The following SLX9 variants were observed in gnomAD, a reference collection of about 807,000 sequenced individuals.
SLX9 encodes the protein ribosome biogenesis protein SLX9 homolog.
SLX9 carries 19 observed loss-of-function variants against 20.8 expected under a neutral mutation model. The observed-to-expected ratio is 0.91, with a 90% confidence interval of 0.64 to 1.34. SLX9 has a LOEUF of 1.34. Among genes scored for constraint, SLX9 ranks in the 40% most tolerant of loss-of-function variants. SLX9 has a pLI of 0.00. For synonymous variants in SLX9, 113 were observed against 137.1 expected (o/e 0.82, Z 1.23); for missense variants, 299 against 322.2 (o/e 0.93, Z 0.55).
chr21:44,969,456 G>A (rs1362774430), intron 4 of SLX9, among the ~76,000 whole-genome samples: 1 of 152,218 alleles, frequency 6.6e-6, no homozygotes, highest in African/African-American at 2.4e-5. Flanking sequence ...GCCTCCCTGC[G>A]GGGCTCTGGG....
intron 1 of SLX9, among the ~76,000 whole-genome samples, chr21:44,940,554 C>G (rs914591718): frequency 6.6e-6 from 1 of 152,204 alleles, no homozygotes; most frequent in African/African-American, 2.4e-5. Flanking sequence ...AGAGAGACCC[C>G]GTTCCCTTTA....
chr21:44,969,718 G>A (rs983921803), intron 4 of SLX9, among the ~76,000 whole-genome samples: 3 of 152,302 alleles, frequency 2.0e-5, no homozygotes, highest in Non-Finnish European at 4.4e-5. Context: ...GAAGGAACCA[G>A]TATCAACAGA....
At chr21:44,955,153 T>C (rs1399927266) in intron 2 of SLX9, among the ~76,000 whole-genome samples, 2 of 151,404 alleles carry the variant, frequency 1.3e-5, no homozygotes, top group Admixed American at 6.6e-5. Context: ...AAGGCAGAGA[T>C]TGCAAGATCG....
At chr21:44,976,528 C>T (rs1175180495) in intron 5 of SLX9, 152 bp from the exon 6 acceptor site, 35 of 1,239,604 alleles carry the variant, frequency 2.8e-5, no homozygotes, top group Non-Finnish European at 3.6e-5. Context: ...CAGCCTCTCC[C>T]CTCCTGCCGG....
At chr21:44,959,924 C>A (rs1219882509) in intron 2 of SLX9, among the ~76,000 whole-genome samples, 176 bp from the exon 3 acceptor site, 3 of 152,202 alleles carry the variant, frequency 2.0e-5, no homozygotes, top group Admixed American at 2.0e-4. Flanking sequence ...CGGGCCGAGG[C>A]ATGCTGCAGG....
chr21:44,951,375 C>G, intron 2 of SLX9, among the ~76,000 whole-genome samples: 1 of 152,090 alleles, frequency 6.6e-6, no homozygotes, highest in Non-Finnish European at 1.5e-5. Context: ...TGGGAGGAAG[C>G]AGGGGGACAG....
At chr21:44,950,004 C>T (rs745725848) in intron 2 of SLX9, among the ~76,000 whole-genome samples, 23 of 152,310 alleles carry the variant, frequency 1.5e-4, no homozygotes, top group Non-Finnish European at 2.5e-4. Flanking sequence ...GATAGAGACG[C>T]AGGCTCTCCC....
rs181323233 is a variant in SLX9, at chr21:44,942,776, C to T, written c.130-908C>T. On this transcript the variant is annotated intron_variant, in intron 1 of 5. Coordinates refer to ENST00000291634, the MANE Select transcript of SLX9 (RefSeq NM_058190.4). The stretch of plus-strand genomic sequence containing the variant: ...GAGGTGGTTGTGGAAAACTAAACCA[C>T]ATGGGGAGGCTGCAGGAGGGGAGGG... 2.8e-3 allele frequency among the ~76,000 whole-genome samples: 421 copies of T among 152,112 alleles called. 4 individuals are homozygous for T. The highest frequency in any genetic ancestry group is 9.7e-3 in the African/African-American group (404 of 41,488).
intron 2 of SLX9, among the ~76,000 whole-genome samples, chr21:44,955,070 G>C (rs2146637561): frequency 6.6e-6 from 1 of 152,196 alleles, no homozygotes; most frequent in Non-Finnish European, 1.5e-5. Context: ...ACAAAAATTA[G>C]CTGGGTGTGG....
chr21:44,940,337 G>A, intron 1 of SLX9, 151 bp downstream of exon 1: 1 of 1,131,236 alleles, frequency 8.8e-7, no homozygotes, highest in Non-Finnish European at 1.1e-6. Flanking sequence ...TTCTTGCTTC[G>A]CGAAGCGTCG....
At chr21:44,976,651 C>A (rs754844397) in intron 5 of SLX9, 29 bp from the exon 6 acceptor site, 1 of 1,570,312 alleles carries the variant, frequency 6.4e-7, no homozygotes, top group South Asian at 1.2e-5. Context: ...GGGTTCCTGC[C>A]TGCTGATCTG....
chr21:44,945,954 C>T (rs149584318), intron 2 of SLX9, among the ~76,000 whole-genome samples: 4 of 152,158 alleles, frequency 2.6e-5, no homozygotes, highest in Admixed American at 1.3e-4. Context: ...GGGATGGTCT[C>T]GATCTCTTGA....
chr21:44,956,730 G>A (rs1248213864), intron 2 of SLX9, among the ~76,000 whole-genome samples: 5 of 152,236 alleles, frequency 3.3e-5, no homozygotes, highest in Non-Finnish European at 7.3e-5. Flanking sequence ...ATCAGAACAC[G>A]TGCCCCGTGA....
At chr21:44,956,276 C>G (rs552477759) in intron 2 of SLX9, among the ~76,000 whole-genome samples, 12 of 152,180 alleles carry the variant, frequency 7.9e-5, no homozygotes, top group Non-Finnish European at 1.6e-4. Context: ...TCGGTGTTTT[C>G]TGTGTCTTTT....
intron 5 of SLX9, among the ~76,000 whole-genome samples, chr21:44,975,009 GGTTTCATCAAAGATGGA>G (rs2123471292): frequency 6.6e-6 from 1 of 152,322 alleles, no homozygotes. Flanking sequence ...CGGGTCTCCT[GGTTTCATCAAAGATGGA>G]GTTTGGTTTC....
At chr21:44,968,320 A>G (rs2085078520) in intron 4 of SLX9, among the ~76,000 whole-genome samples, 1 of 152,058 alleles carries the variant, frequency 6.6e-6, no homozygotes, top group Non-Finnish European at 1.5e-5. Flanking sequence ...CCGGTGACGC[A>G]ACCCCACCAC....
chr21:44,939,888 G>A (rs2084505233), upstream of SLX9: 1 of 636,176 alleles, frequency 1.6e-6, no homozygotes. Context: ...GTGAAAGGCG[G>A]AGCGCCGCCA....
rs1362126979 is a variant in SLX9 at position 44,963,413 on chromosome 21, G to T, written c.352+3245G>T. 2.7e-5 allele frequency among the ~76,000 whole-genome samples: 4 copies of T among 150,066 alleles called. No individual in the cohort carries two copies. In the East Asian group the frequency reaches 5.8e-4, roughly 22 times the overall value. On this transcript the variant is annotated intron_variant, in intron 3 of 5. Transcript: ENST00000291634. ...TTTAAATAAACGAGAGTTTAATTTTGAGAAGTTTAATTTATATTAGTTATT... is the reference window on the plus strand; with the variant it reads ...TTTAAATAAACGAGAGTTTAATTTTTAGAAGTTTAATTTATATTAGTTATT...
intron 3 of SLX9, 107 bp downstream of exon 3, chr21:44,960,275 C>CCTTGGGCACTCCT: frequency 9.5e-7 from 1 of 1,047,642 alleles, no homozygotes; most frequent in Non-Finnish European, 1.5e-6. Flanking sequence ...GCCACACTCC[C>CCTTGGGCACTCCT]CGAGGAGTGC....
Sources: allele counts gnomAD v4.1 joint callset (sites outside exome capture counted in the v4.1 genomes callset), GRCh38; gene constraint gnomAD v4.1.1; transcripts MANE v1.5; gene names NCBI Gene and HGNC (gene_info 2026-07-23, HGNC 2026-07-21).